The following PTPRT variants were observed in gnomAD, a reference collection of about 807,000 sequenced individuals.
The protein encoded by PTPRT is receptor-type tyrosine-protein phosphatase T.
PTPRT carries 56 observed loss-of-function variants against 176.8 expected under a neutral mutation model. The observed-to-expected ratio is 0.32, with a 90% CI of 0.26 to 0.40. The LOEUF (loss-of-function observed/expected upper bound fraction) is 0.40, where lower values mean the gene tolerates loss of function less well. Among genes scored for constraint, PTPRT ranks in the 10% least tolerant of loss-of-function variants. The pLI is 1.00. For synonymous variants in PTPRT, 783 were observed against 739.0 expected, an observed-to-expected ratio of 1.06 and a Z score of -0.96; for missense variants, 1,540 against 1,908.2, an observed-to-expected ratio of 0.81 and a Z score of 3.60.
At chr20:42,410,999 T>G (rs1408445347) in intron 9 of PTPRT, among the ~76,000 whole-genome samples, 1 of 152,130 alleles carries the variant, frequency 6.6e-6, no homozygotes, top group Admixed American at 6.5e-5. Flanking sequence ...TATCCATAAT[T>G]TAAGCTTCTA....
intron 24 of PTPRT, among the ~76,000 whole-genome samples, chr20:42,106,498 C>G (rs6102675): frequency 1.3e-5 from 2 of 152,226 alleles, no homozygotes; most frequent in East Asian, 3.9e-4. Flanking sequence ...CAATAATCCC[C>G]GAAATTTGTC....
At chr20:42,754,131 T>G (rs751681136) in intron 6 of PTPRT, among the ~76,000 whole-genome samples, 9 of 152,144 alleles carry the variant, frequency 5.9e-5, no homozygotes, top group Non-Finnish European at 1.2e-4. Context: ...AGAACCTGAA[T>G]GGCCTGCAAT....
chr20:42,489,008 TTGTGTGTGTGTG>T (rs56267962), intron 7 of PTPRT, among the ~76,000 whole-genome samples: 3,437 of 131,204 alleles, frequency 0.026, 97 homozygotes, highest in African/African-American at 0.066. Context: ...TCAACCAAGT[TTGTGTGTGTGTG>T]TGTGTGTGTG....
chr20:42,336,303 C>G (rs1274464670), intron 11 of PTPRT, among the ~76,000 whole-genome samples: 1 of 152,082 alleles, frequency 6.6e-6, no homozygotes, highest in African/African-American at 2.4e-5. Flanking sequence ...TCTATCATAG[C>G]AGGAAATAAA....
chr20:42,070,630 A>C (rs1466152439), downstream of PTPRT, among the ~76,000 whole-genome samples: 1 of 152,144 alleles, frequency 6.6e-6, no homozygotes, highest in South Asian at 2.1e-4. Flanking sequence ...GTATGCTGTT[A>C]AGTGAGAAGA....
At chr20:42,234,548 C>T (rs1354423631) in intron 15 of PTPRT, among the ~76,000 whole-genome samples, 2 of 152,154 alleles carry the variant, frequency 1.3e-5, no homozygotes, top group Non-Finnish European at 2.9e-5. Context: ...GATACCTATC[C>T]CCTGCCACAC....
chr20:42,554,104 G>A (rs79678601), intron 7 of PTPRT, among the ~76,000 whole-genome samples: 4,176 of 152,126 alleles, frequency 0.027, 108 homozygotes, highest in South Asian at 0.098. Context: ...AAACGTTCTT[G>A]GGAGAAGAGA....
chr20:42,717,181 T>TATA (rs71335871), intron 6 of PTPRT, among the ~76,000 whole-genome samples: 2,134 of 146,420 alleles, frequency 0.015, 47 homozygotes, highest in African/African-American at 0.045. Context: ...AAACTTAAAG[T>TATA]ATAATAATAA....
intron 1 of PTPRT, among the ~76,000 whole-genome samples, chr20:42,926,145 C>T (rs1270642992): frequency 2.0e-5 from 3 of 152,228 alleles, no homozygotes; most frequent in Non-Finnish European, 4.4e-5. Context: ...CCATATCCCA[C>T]CTTCAGACCT....
Position 42,336,228 on chromosome 20 carries a change from G to A in PTPRT, c.1865+14400C>T, listed in dbSNP as rs940726607. 3.3e-5 allele frequency among the ~76,000 whole-genome samples: 5 copies of A among 152,246 alleles called. No homozygotes were observed. The South Asian group carries it at 8.3e-4, about 25-fold the overall frequency. ...TTGTGTAGTTATTTAACAAAAAACTGTGGCTTAACTACATTGGAAAGAAGG... is the reference window on the plus strand; with the variant it reads ...TTGTGTAGTTATTTAACAAAAAACTATGGCTTAACTACATTGGAAAGAAGG... On this transcript the variant is annotated intron_variant, in intron 11 of 30. Coordinates refer to ENST00000373187, the MANE Select transcript of PTPRT (RefSeq NM_007050.6).
intron 9 of PTPRT, among the ~76,000 whole-genome samples, chr20:42,362,127 A>G (rs13037681): frequency 0.097 from 14,830 of 152,108 alleles, 778 homozygotes; most frequent in Non-Finnish European, 0.12. Context: ...ATAGCCAGGC[A>G]TGGTGGTGCA....
At chr20:42,807,583 G>C (rs2077629927) in intron 2 of PTPRT, among the ~76,000 whole-genome samples, 1 of 151,962 alleles carries the variant, frequency 6.6e-6, no homozygotes, top group African/African-American at 2.4e-5. Flanking sequence ...CTACACCAAG[G>C]GTTAAGCCAT....
intron 16 of PTPRT, among the ~76,000 whole-genome samples, chr20:42,176,637 G>A (rs1159198003): frequency 1.3e-5 from 2 of 152,164 alleles, no homozygotes; most frequent in Non-Finnish European, 2.9e-5. Flanking sequence ...TGAAAATACA[G>A]ACTGCTCCTA....
At chr20:42,510,683 A>G (rs1442819129) in intron 7 of PTPRT, among the ~76,000 whole-genome samples, 21 of 152,176 alleles carry the variant, frequency 1.4e-4, no homozygotes, top group Admixed American at 1.2e-3. Context: ...GAATATACAT[A>G]CAAATTACAC....
chr20:42,043,855 C>T, the PTPRT span, among the ~76,000 whole-genome samples: 49 of 152,270 alleles, frequency 3.2e-4, no homozygotes, highest in Non-Finnish European at 5.6e-4. Flanking sequence ...GCTGGAGAAA[C>T]AATATCTGAC....
chr20:42,065,160 C>T, the PTPRT span, among the ~76,000 whole-genome samples: 3 of 152,210 alleles, frequency 2.0e-5, no homozygotes, highest in Non-Finnish European at 4.4e-5. Context: ...AAAGACCCTT[C>T]TCAAGAGCTG....
At chr20:42,132,491 C>T (rs1988166595) in intron 18 of PTPRT, among the ~76,000 whole-genome samples, 1 of 152,056 alleles carries the variant, frequency 6.6e-6, no homozygotes, top group African/African-American at 2.4e-5. Context: ...AGCAAATGAC[C>T]TGATTAAAAA....
chr20:42,909,646 G>A (rs553851289), intron 1 of PTPRT, among the ~76,000 whole-genome samples: 10 of 152,256 alleles, frequency 6.6e-5, no homozygotes, highest in Non-Finnish European at 1.3e-4. Flanking sequence ...CTGTAGCCAT[G>A]CCACATGTCT....
At chr20:42,403,878 T>C (rs1333901866) in intron 9 of PTPRT, among the ~76,000 whole-genome samples, 1 of 152,172 alleles carries the variant, frequency 6.6e-6, no homozygotes, top group East Asian at 1.9e-4. Flanking sequence ...CCTTTTGTAC[T>C]TAGAAAAATA....
Sources: allele counts gnomAD v4.1 joint callset (sites outside exome capture counted in the v4.1 genomes callset), GRCh38; gene constraint gnomAD v4.1.1; transcripts MANE v1.5; gene names NCBI Gene and HGNC (gene_info 2026-07-23, HGNC 2026-07-21).